Variants in SPAG17 observed in about 807,000 individuals in gnomAD.
SPAG17 encodes the protein sperm associated antigen 17.
Under a neutral mutation model 273.6 loss-of-function variants are expected in SPAG17, and 169 were observed. The observed-to-expected ratio is 0.62, with a 90% CI of 0.55 to 0.70. The LOEUF (loss-of-function observed/expected upper bound fraction) is 0.70, where lower values mean the gene tolerates loss of function less well. Among genes scored for constraint, SPAG17 ranks in the 30% least tolerant of loss-of-function variants. The pLI is 0.00. For synonymous variants in SPAG17, 825 were observed against 873.2 expected (o/e 0.94, Z 0.97); for missense variants, 2,557 against 2,627.8 (o/e 0.97, Z 0.59).
intron 15 of SPAG17, among the ~76,000 whole-genome samples, chr1:118,079,859 C>T (rs1322042569): frequency 6.6e-6 from 1 of 151,848 alleles, no homozygotes; most frequent in East Asian, 1.9e-4. Flanking sequence ...TTTTCCTTGA[C>T]CTAGGTGTTA....
At chr1:118,078,988 C>T (rs1370167457) in intron 15 of SPAG17, among the ~76,000 whole-genome samples, 1 of 151,892 alleles carries the variant, frequency 6.6e-6, no homozygotes, top group East Asian at 1.9e-4. Context: ...ATTTTTGCAT[C>T]TATGTTCGTG....
Position 118,020,326 on chromosome 1 carries a change from T to A in SPAG17, c.4069+2978A>T, listed in dbSNP as rs1424945901. ...GCACGTGCCTGTAATCCCAGCCACT[T>A]GGGAGGCTGAGGCACGAGAATTGCT... On this transcript the variant is annotated intron_variant, in intron 28 of 48. Transcript: ENST00000336338. Among the ~76,000 whole-genome samples, 7 of 152,060 alleles carry A rather than the reference T, an allele frequency of 4.6e-5. No homozygotes were observed. The Middle Eastern group carries it at 0.014, about 296-fold the overall frequency.
chr1:118,099,546 T>G, intron 6 of SPAG17, 60 bp downstream of exon 6: 1 of 1,401,936 alleles, frequency 7.1e-7, no homozygotes, highest in Non-Finnish European at 1.0e-6. Context: ...ATTATATTTG[T>G]ACTTTAAGGA....
chr1:118,047,555 T>A (rs1374262829), intron 20 of SPAG17, among the ~76,000 whole-genome samples: 3 of 151,984 alleles, frequency 2.0e-5, no homozygotes, highest in Non-Finnish European at 4.4e-5. Flanking sequence ...CCCAGCAGAC[T>A]CAACCTCTAG....
At chr1:118,113,386 A>G (rs1656887157) in intron 4 of SPAG17, among the ~76,000 whole-genome samples, 1 of 152,106 alleles carries the variant, frequency 6.6e-6, no homozygotes, top group Non-Finnish European at 1.5e-5. Flanking sequence ...TTGGCTGACA[A>G]GCATTAACCT....
intron 24 of SPAG17, among the ~76,000 whole-genome samples, chr1:118,034,705 G>A (rs1422807761): frequency 6.6e-6 from 1 of 152,180 alleles, no homozygotes; most frequent in Non-Finnish European, 1.5e-5. Context: ...GGAACTGAAA[G>A]GCACAGAAAT....
At chr1:117,986,521 ATATACC>A (rs1422216605) in intron 40 of SPAG17, among the ~76,000 whole-genome samples, 1 of 152,196 alleles carries the variant, frequency 6.6e-6, no homozygotes, top group African/African-American at 2.4e-5. Flanking sequence ...GCTTGCCATT[ATATACC>A]TATAAGTTAA....
At chr1:118,179,434 A>G (rs1660841148) in intron 1 of SPAG17, among the ~76,000 whole-genome samples, 1 of 152,122 alleles carries the variant, frequency 6.6e-6, no homozygotes, top group African/African-American at 2.4e-5. Flanking sequence ...ATAAACAAAA[A>G]TCAAATCAAA....
At chr1:117,965,333 CCCTA>C (rs890299097) in intron 47 of SPAG17, 1 of 152,200 alleles carries the variant, frequency 6.6e-6, no homozygotes, top group African/African-American at 2.4e-5. Flanking sequence ...TCCTCCTGCT[CCCTA>C]AACCGACTCC....
intron 18 of SPAG17, among the ~76,000 whole-genome samples, chr1:118,062,363 T>C (rs1258343467): frequency 1.3e-4 from 3 of 22,280 alleles, no homozygotes; most frequent in African/African-American, 1.0e-3. Context: ...CGAGACTCCA[T>C]CTCAAAAAAA....
At position 118,015,142 on chromosome 1, in the gene SPAG17, G is replaced by A. The variant is rs146047991; in HGVS notation, c.4287+823C>T. On this transcript the variant is annotated intron_variant, in intron 29 of 48. Coordinates refer to ENST00000336338, the MANE Select transcript of SPAG17 (RefSeq NM_206996.4). ...TCTACTAAAAATACAAAAATTAGCC[G>A]GGCGTGGTGGCAGGTGCCTGTTATC... Among the ~76,000 whole-genome samples, 107 of 152,016 alleles carry A rather than the reference G, an allele frequency of 7.0e-4. 1 individual carries two copies. The highest frequency in any genetic ancestry group is 7.8e-4 in the Non-Finnish European group (53 of 67,946).
intron 3 of SPAG17, among the ~76,000 whole-genome samples, chr1:118,148,356 C>T (rs1659173220): frequency 6.6e-6 from 1 of 152,076 alleles, no homozygotes; most frequent in Non-Finnish European, 1.5e-5. Context: ...TCACAAAGAG[C>T]GAAAAAACAA....
At chr1:118,045,591 C>T (rs1650264283) in intron 20 of SPAG17, among the ~76,000 whole-genome samples, 1 of 152,140 alleles carries the variant, frequency 6.6e-6, no homozygotes, top group African/African-American at 2.4e-5. Context: ...ATAGTAAGCA[C>T]AGTGTTTTCC....
intron 48 of SPAG17, chr1:117,955,375 G>T: frequency 6.2e-7 from 1 of 1,609,500 alleles, no homozygotes; most frequent in Middle Eastern, 1.7e-4. Flanking sequence ...GAGTCCTTGC[G>T]CACAATTTTT....
intron 24 of SPAG17, 87 bp from the exon 25 acceptor site, chr1:118,031,954 C>T: frequency 9.5e-7 from 1 of 1,051,246 alleles, no homozygotes; most frequent in Non-Finnish European, 1.4e-6. Flanking sequence ...CAAAAATTTA[C>T]ACAAGTTGAC....
intron 3 of SPAG17, among the ~76,000 whole-genome samples, chr1:118,143,719 T>C (rs891594047): frequency 6.6e-6 from 1 of 152,210 alleles, no homozygotes; most frequent in Non-Finnish European, 1.5e-5. Context: ...TCTTGATTCC[T>C]TCCCCAGCAC....
intron 34 of SPAG17, among the ~76,000 whole-genome samples, chr1:117,995,220 G>A (rs1263553025): frequency 1.3e-5 from 2 of 152,042 alleles, no homozygotes; most frequent in Admixed American, 1.3e-4. Flanking sequence ...CTTCAGGGAA[G>A]CCTTCTTGAC....
At chr1:118,115,467 A>G in intron 3 of SPAG17, 26 bp from the exon 4 acceptor site, 1 of 1,596,380 alleles carries the variant, frequency 6.3e-7, no homozygotes. Context: ...ATTATTAGAA[A>G]AAGTGATGTT....
chr1:118,115,542 T>C, intron 3 of SPAG17, 101 bp from the exon 4 acceptor site: 2 of 1,220,896 alleles, frequency 1.6e-6, no homozygotes, highest in Non-Finnish European at 2.2e-6. Flanking sequence ...TTATTTGTCA[T>C]ACTGGAAAGA....
Sources: allele counts gnomAD v4.1 joint callset (sites outside exome capture counted in the v4.1 genomes callset), GRCh38; gene constraint gnomAD v4.1.1; transcripts MANE v1.5; gene names NCBI Gene and HGNC (gene_info 2026-07-23, HGNC 2026-07-21).